The following VGLL4 variants were observed in gnomAD, a reference collection of about 807,000 sequenced individuals.
VGLL4 encodes vestigial like family member 4.
In VGLL4, 7 loss-of-function variants were observed where a neutral mutation model predicts 21.0. The ratio of observed to expected loss-of-function variants is 0.33; its 90% CI spans 0.19 to 0.63. VGLL4 has a LOEUF of 0.63. Among genes scored for constraint, VGLL4 ranks in the 20% least tolerant of loss-of-function variants. VGLL4 has a pLI of 0.78. For synonymous variants in VGLL4, 222 were observed against 173.2 expected, an observed-to-expected ratio of 1.28 and a Z score of -2.21; for missense variants, 394 against 425.7, an observed-to-expected ratio of 0.93 and a Z score of 0.66.
intron 1 of VGLL4, among the ~76,000 whole-genome samples, chr3:11,622,000 T>G (rs2075273649): frequency 6.6e-6 from 1 of 151,818 alleles, no homozygotes; most frequent in African/African-American, 2.4e-5. Context: ...TATCTGCCTT[T>G]GTACTGTTGA....
At position 11,556,944 on chromosome 3, in the gene VGLL4, T is replaced by C. The variant is rs1313302372; in HGVS notation, c.*1612A>G. The C allele has an allele frequency of 1.3e-5, 2 of 152,718 alleles. No individual in the cohort carries two copies. Among genetic ancestry groups the C allele is most frequent in the African/African-American group, 4.8e-5 (2 of 41,446 alleles). 9.5% of individuals were successfully genotyped at this position (152,718 alleles called of 1,614,324 possible). A position where few individuals can be genotyped will look rare whatever the true frequency, so the allele number is the denominator to read the frequency against. On this transcript the variant is annotated 3_prime_UTR_variant, in exon 5 of 5. Coordinates refer to ENST00000430365, the MANE Select transcript of VGLL4 (RefSeq NM_001128219.3). ...GCCACTCTGTGACTACAAGAGCCAG[T>C]CCTCCGACCTTTTCACCCAGTGCCA...
chr3:11,688,187 G>A (rs2125389115), intron 2 of VGLL4, among the ~76,000 whole-genome samples: 1 of 152,128 alleles, frequency 6.6e-6, no homozygotes, highest in South Asian at 2.1e-4. Flanking sequence ...ATAATTGCTA[G>A]CCTGAATTTT....
intron 2 of VGLL4, among the ~76,000 whole-genome samples, chr3:11,677,535 G>A (rs2076309143): frequency 1.3e-5 from 2 of 152,056 alleles, no homozygotes; most frequent in South Asian, 2.1e-4. Flanking sequence ...TTGGCCTCCC[G>A]AAGTCCTGAG....
chr3:11,640,469 T>A (rs1381075123), intron 1 of VGLL4, among the ~76,000 whole-genome samples: 1 of 152,140 alleles, frequency 6.6e-6, no homozygotes, highest in Non-Finnish European at 1.5e-5. Flanking sequence ...ACGGTAGTAA[T>A]AAGCCATGAG....
At chr3:11,688,339 T>C (rs950065466) in intron 2 of VGLL4, among the ~76,000 whole-genome samples, 1 of 152,178 alleles carries the variant, frequency 6.6e-6, no homozygotes, top group East Asian at 1.9e-4. Flanking sequence ...TCTTATAACA[T>C]AGGGAAATCT....
intron 2 of VGLL4, among the ~76,000 whole-genome samples, chr3:11,654,362 T>C (rs1323616499): frequency 1.3e-5 from 2 of 152,138 alleles, no homozygotes; most frequent in East Asian, 3.8e-4. Context: ...CTCGCGACAA[T>C]GCGGAGATGA....
chr3:11,564,506 G>A (rs1222812606), intron 3 of VGLL4, among the ~76,000 whole-genome samples: 2 of 152,232 alleles, frequency 1.3e-5, no homozygotes, highest in South Asian at 4.1e-4. Context: ...TGTACTGGGA[G>A]AGGAAAGAGA....
Position 11,653,253 on chromosome 3 carries a change from T to C in VGLL4, c.64+49718A>G, listed in dbSNP as rs765718702. The stretch of plus-strand genomic sequence containing the variant: ...AGAGAAATCATGGCTGTTATTTATA[T>C]AGGGAGAATTTTAATGTATCCCACC... On this transcript the variant is annotated intron_variant, in intron 2 of 5. Transcript: ENST00000273038. The surrounding 1 kb of genome is among the most constrained non-coding windows in gnomAD (Gnocchi z 4.2). Among the ~76,000 whole-genome samples, 1 of 152,162 alleles carries C rather than the reference T, an allele frequency of 6.6e-6. No individual in the cohort carries two copies. The highest frequency in any genetic ancestry group is 1.5e-5 in the Non-Finnish European group (1 of 68,026).
At chr3:11,570,865 C>T (rs1465210804) in intron 2 of VGLL4, among the ~76,000 whole-genome samples, 1 of 152,226 alleles carries the variant, frequency 6.6e-6, no homozygotes, top group East Asian at 1.9e-4. Context: ...GTGAACTCAT[C>T]ACCGTGGCTT....
chr3:11,631,221 A>C (rs896106483), intron 1 of VGLL4, among the ~76,000 whole-genome samples: 3 of 152,178 alleles, frequency 2.0e-5, no homozygotes, highest in Non-Finnish European at 4.4e-5. Context: ...ACTGACTGGT[A>C]AGGAAGCTCG....
chr3:11,568,582 T>C lies in VGLL4; in HGVS notation c.273-3563A>G, dbSNP rs1399795157. ...GCCTGGAGAACTGGCTGGTTAATTTTAGTAAAATTATACATTACTCACATT... is the reference window on the plus strand; with the variant it reads ...GCCTGGAGAACTGGCTGGTTAATTTCAGTAAAATTATACATTACTCACATT... On this transcript the variant is annotated intron_variant, in intron 2 of 4. Transcript: ENST00000430365. The surrounding 1 kb of genome is among the most constrained non-coding windows in gnomAD (Gnocchi z 5.9). The C allele has an allele frequency of 3.9e-6, 6 of 1,558,028 alleles. No homozygotes were observed. In the East Asian group the frequency reaches 1.2e-4, roughly 31 times the overall value.
At chr3:11,584,418 T>C (rs1341820481) in intron 2 of VGLL4, among the ~76,000 whole-genome samples, 1 of 151,712 alleles carries the variant, frequency 6.6e-6, no homozygotes, top group Non-Finnish European at 1.5e-5. Context: ...AATGAATAAA[T>C]GGTAGCAGTC....
rs1357740139 is a variant in VGLL4, at chr3:11,557,762, TG to T, written c.*793del. ...AACATGCATCACGTTTAAAGCACTATGGAATCCTCCAACCTCAGCTCTAGTC... is the reference window on the plus strand; with the variant it reads ...AACATGCATCACGTTTAAAGCACTATGAATCCTCCAACCTCAGCTCTAGTC... On this transcript the variant is annotated 3_prime_UTR_variant, in exon 5 of 5. Coordinates refer to ENST00000430365, the MANE Select transcript of VGLL4 (RefSeq NM_001128219.3). 1 of 152,712 alleles carries T rather than the reference TG, an allele frequency of 6.5e-6. No homozygotes were observed. Among genetic ancestry groups the T allele is most frequent in the East Asian group, 1.9e-4 (1 of 5,250 alleles). The allele number at this position is 152,712 out of a possible 1,614,324, so 9.5% of individuals were successfully genotyped here.
chr3:11,712,511 A>C (rs1033829382), intron 1 of VGLL4, among the ~76,000 whole-genome samples: 9 of 152,208 alleles, frequency 5.9e-5, no homozygotes, highest in Admixed American at 3.3e-4. Context: ...GGATTCTCAC[A>C]ATCAAATTAT....
At chr3:11,559,710 T>C (rs1208034148) in intron 3 of VGLL4, among the ~76,000 whole-genome samples, 1 of 152,190 alleles carries the variant, frequency 6.6e-6, no homozygotes, top group Non-Finnish European at 1.5e-5. Context: ...AAAGCTCAAC[T>C]GTTGAGTTGG....
At chr3:11,579,702 C>CCCCCAAGTTTCATGCA (rs1215171485) in intron 2 of VGLL4, among the ~76,000 whole-genome samples, 1 of 152,122 alleles carries the variant, frequency 6.6e-6, no homozygotes, top group Non-Finnish European at 1.5e-5. Flanking sequence ...AGCACCCTCC[C>CCCCCAAGTTTCATGCA]CCCCAAGTTT....
chr3:11,659,426 G>C (rs2076005682), intron 2 of VGLL4, among the ~76,000 whole-genome samples: 1 of 143,832 alleles, frequency 7.0e-6, no homozygotes, highest in Non-Finnish European at 1.5e-5. Flanking sequence ...CCACCTCCCG[G>C]GTTCAAGCAA....
upstream of VGLL4, among the ~76,000 whole-genome samples, chr3:11,645,214 A>G (rs182375014): frequency 6.6e-6 from 1 of 151,754 alleles, no homozygotes; most frequent in East Asian, 1.9e-4. Context: ...AAAACTAAAC[A>G]TTTGAATTAC....
At chr3:11,656,259 G>C (rs952893632) in intron 2 of VGLL4, among the ~76,000 whole-genome samples, 3 of 152,210 alleles carry the variant, frequency 2.0e-5, no homozygotes, top group African/African-American at 7.2e-5. Context: ...AAATATTAAA[G>C]TCCAGTTGCT....
Sources: allele counts gnomAD v4.1 joint callset (sites outside exome capture counted in the v4.1 genomes callset), GRCh38; gene constraint gnomAD v4.1.1; non-coding constraint Gnocchi (gnomAD v3.1); transcripts MANE v1.5; gene names NCBI Gene and HGNC (gene_info 2026-07-23, HGNC 2026-07-21).